Variants in NREP observed in about 807,000 individuals in gnomAD.
NREP encodes the protein neuronal regeneration-related protein.
Under a neutral mutation model 8.6 loss-of-function variants are expected in NREP, and 5 were observed. The observed-to-expected ratio is 0.58, with a 90% CI of 0.30 to 1.22. The LOEUF is 1.22. Among genes scored for constraint, NREP ranks in the 50% most tolerant of loss-of-function variants. The pLI is 0.07. For synonymous variants in NREP, 27 were observed against 28.0 expected (o/e 0.96, Z 0.11); for missense variants, 86 against 82.5 (o/e 1.04, Z -0.17).
intron 2 of NREP, among the ~76,000 whole-genome samples, chr5:111,912,326 C>G (rs1036873563): frequency 6.6e-6 from 1 of 151,988 alleles, no homozygotes; most frequent in African/African-American, 2.4e-5. Context: ...ATAATTCAGA[C>G]AGATCTGAAT....
chr5:111,751,475 T>C (rs887546528), intron 2 of NREP, among the ~76,000 whole-genome samples: 5 of 152,184 alleles, frequency 3.3e-5, no homozygotes, highest in African/African-American at 1.2e-4. Context: ...TTCAAATAAA[T>C]TTACACCCAA....
intron 2 of NREP, among the ~76,000 whole-genome samples, chr5:111,822,456 TC>T (rs1273255545): frequency 6.6e-6 from 1 of 152,182 alleles, no homozygotes; most frequent in East Asian, 1.9e-4. Context: ...TCGGTAAACA[TC>T]CAGGCTATCA....
At chr5:111,781,957 G>A (rs1462900770) in intron 2 of NREP, among the ~76,000 whole-genome samples, 1 of 152,208 alleles carries the variant, frequency 6.6e-6, no homozygotes, top group Admixed American at 6.5e-5. Context: ...ATTTACTCTG[G>A]TTTTTGCCTC....
At chr5:111,944,047 T>C (rs1390144167) in intron 2 of NREP, among the ~76,000 whole-genome samples, 4 of 152,110 alleles carry the variant, frequency 2.6e-5, no homozygotes, top group African/African-American at 9.7e-5. Context: ...TTATGTTTCA[T>C]TCTATCCCAC....
chr5:111,851,017 A>G (rs1753293483), intron 2 of NREP, among the ~76,000 whole-genome samples: 1 of 152,128 alleles, frequency 6.6e-6, no homozygotes, highest in African/African-American at 2.4e-5. Context: ...GTTAGGCTCA[A>G]ATAAGATACC....
rs182177680 is a variant in NREP, at chr5:111,975,421, C to T, written c.31-43G>A. The T allele has an allele frequency of 1.6e-5, 22 of 1,369,548 alleles. No individual in the cohort carries two copies. In the East Asian group the frequency reaches 4.5e-4, roughly 28 times the overall value. 84.8% of individuals were successfully genotyped at this position (1,369,548 alleles called of 1,614,324 possible). ...GGTAGAAAACGTGAGCACTGACCCC[C>T]CTGAGTGCCACAACTCACAGCTCCA... is the stretch of plus-strand genomic sequence containing the variant. On this transcript the variant is annotated intron_variant, in intron 1 of 3. Transcript: ENST00000395634.
upstream of NREP, chr5:111,757,417 TC>T (rs1192629024): frequency 1.0e-6 from 1 of 982,738 alleles, no homozygotes; most frequent in Non-Finnish European, 1.2e-6. Context: ...TCTCTCTCTT[TC>T]TCTAAGAGTC....
chr5:111,965,734 A>G (rs904008035), intron 2 of NREP, among the ~76,000 whole-genome samples: 1 of 152,222 alleles, frequency 6.6e-6, no homozygotes, highest in Non-Finnish European at 1.5e-5. Context: ...TAAAAATAAC[A>G]GTTTGCTAAC....
intron 2 of NREP, among the ~76,000 whole-genome samples, chr5:111,928,854 A>T (rs1251352778): frequency 1.3e-5 from 2 of 152,152 alleles, no homozygotes; most frequent in African/African-American, 4.8e-5. Context: ...CCTTAAAAAG[A>T]TCTCAGCTAA....
chr5:111,753,271 A>G (rs978447825), intron 2 of NREP, among the ~76,000 whole-genome samples: 8 of 150,468 alleles, frequency 5.3e-5, no homozygotes, highest in African/African-American at 1.7e-4. Context: ...GTGGCGTTCA[A>G]GGAGGCCCAT....
At chr5:111,816,552 T>C (rs1455132114) in intron 2 of NREP, among the ~76,000 whole-genome samples, 4 of 152,070 alleles carry the variant, frequency 2.6e-5, no homozygotes, top group Non-Finnish European at 5.9e-5. Flanking sequence ...ATAAAGCTAC[T>C]TGTTTTTCAT....
chr5:111,774,603 G>A (rs1026272420), intron 2 of NREP, among the ~76,000 whole-genome samples: 4 of 152,150 alleles, frequency 2.6e-5, no homozygotes, highest in Non-Finnish European at 5.9e-5. Flanking sequence ...TTTGGAGATG[G>A]AGGGGCAATA....
At chr5:111,744,945 C>G (rs535271130) in intron 2 of NREP, among the ~76,000 whole-genome samples, 1 of 152,068 alleles carries the variant, frequency 6.6e-6, no homozygotes. Flanking sequence ...AAACCAAACA[C>G]CACAACTATA....
At chr5:111,741,459 A>G (rs1052514741) in intron 2 of NREP, among the ~76,000 whole-genome samples, 2 of 152,170 alleles carry the variant, frequency 1.3e-5, no homozygotes, top group African/African-American at 4.8e-5. Context: ...GTTACTGGTC[A>G]TATGAGAGGG....
At chr5:111,967,670 G>T (rs1347260447) in intron 2 of NREP, among the ~76,000 whole-genome samples, 3 of 152,104 alleles carry the variant, frequency 2.0e-5, no homozygotes, top group Non-Finnish European at 4.4e-5. Flanking sequence ...CCTCTGCCCA[G>T]CTGCCGCCCC....
intron 2 of NREP, among the ~76,000 whole-genome samples, chr5:111,788,152 C>A (rs1405192844): frequency 6.6e-6 from 1 of 152,118 alleles, no homozygotes; most frequent in Non-Finnish European, 1.5e-5. Context: ...AGCAAAAGTT[C>A]TAATATTGTG....
intron 2 of NREP, among the ~76,000 whole-genome samples, chr5:111,786,864 G>A (rs983449531): frequency 2.6e-5 from 4 of 152,136 alleles, no homozygotes; most frequent in Non-Finnish European, 4.4e-5. Context: ...CAGTAAAGAA[G>A]GGCATGAATC....
At chr5:111,929,201 C>T (rs1455114890) in intron 2 of NREP, among the ~76,000 whole-genome samples, 2 of 152,056 alleles carry the variant, frequency 1.3e-5, no homozygotes, top group East Asian at 1.9e-4. Flanking sequence ...CCCTAGAATG[C>T]CTTTAGTTCT....
chr5:111,901,550 A>C (rs772028399), intron 2 of NREP, among the ~76,000 whole-genome samples: 5 of 152,114 alleles, frequency 3.3e-5, no homozygotes, highest in Non-Finnish European at 7.4e-5. Context: ...ACATGATCTT[A>C]TATATAGAAA....
Sources: allele counts gnomAD v4.1 joint callset (sites outside exome capture counted in the v4.1 genomes callset), GRCh38; gene constraint gnomAD v4.1.1; transcripts MANE v1.5; gene names NCBI Gene and HGNC (gene_info 2026-07-23, HGNC 2026-07-21).